Variants in LRRC37A2 observed in about 807,000 individuals in gnomAD.
The protein encoded by LRRC37A2 is leucine rich repeat containing 37 member A2.
Under a neutral mutation model 68.8 loss-of-function variants are expected in LRRC37A2, and 9 were observed. The observed-to-expected ratio is 0.13, with a 90% CI of 0.08 to 0.23. LRRC37A2 has a LOEUF of 0.23. LRRC37A2 is among the 10% of genes least tolerant of loss of function. The pLI is 1.00. For missense variants in LRRC37A2, 168 were observed against 950.4 expected, an observed-to-expected ratio of 0.18 and a Z score of 10.82; for synonymous variants, 63 against 367.6, an observed-to-expected ratio of 0.17 and a Z score of 9.48.
the LRRC37A2 span, among the ~76,000 whole-genome samples, chr17:46,901,810 T>A: frequency 6.7e-6 from 1 of 149,314 alleles, no homozygotes; most frequent in Non-Finnish European, 1.5e-5. Flanking sequence ...AGAATTTTTT[T>A]TTTTTTTTTT....
chr17:47,014,996 C>T, the LRRC37A2 span, among the ~76,000 whole-genome samples: 358 of 135,208 alleles, frequency 2.6e-3, 1 homozygote, highest in African/African-American at 8.1e-3. Flanking sequence ...TATAGGTATA[C>T]CATTTTTATC....
the LRRC37A2 span, among the ~76,000 whole-genome samples, chr17:46,583,365 G>A: frequency 2.6e-5 from 2 of 77,432 alleles, no homozygotes; most frequent in South Asian, 1.1e-3. Flanking sequence ...GCACAACCTC[G>A]GCTCACTGCA....
the LRRC37A2 span, chr17:46,711,162 A>G: frequency 6.9e-7 from 1 of 1,451,890 alleles, no homozygotes; most frequent in Middle Eastern, 1.8e-4. Context: ...TAAAGGAAAA[A>G]AAGCAGCATT....
chr17:46,907,908 G>A, the LRRC37A2 span, among the ~76,000 whole-genome samples: 2 of 151,888 alleles, frequency 1.3e-5, no homozygotes, highest in African/African-American at 2.4e-5. Flanking sequence ...AGACAAAAAG[G>A]CCCCATCAAT....
the LRRC37A2 span, among the ~76,000 whole-genome samples, chr17:46,989,874 A>G: frequency 6.6e-6 from 1 of 152,212 alleles, no homozygotes; most frequent in African/African-American, 2.4e-5. Flanking sequence ...CATTTAGGGA[A>G]ACTATTTTGG....
the LRRC37A2 span, among the ~76,000 whole-genome samples, chr17:46,492,911 GTC>G: frequency 6.7e-6 from 1 of 149,822 alleles, no homozygotes; most frequent in Admixed American, 6.6e-5. Flanking sequence ...AGCGAGGATG[GTC>G]TCGATATCCT....
the LRRC37A2 span, chr17:46,713,836 C>T: frequency 6.2e-7 from 1 of 1,606,732 alleles, no homozygotes; most frequent in Non-Finnish European, 8.5e-7. Flanking sequence ...CCCTGACTTG[C>T]TCATATCTTT....
chr17:46,458,627 C>T, the LRRC37A2 span, among the ~76,000 whole-genome samples: 1 of 84,374 alleles, frequency 1.2e-5, no homozygotes, highest in Non-Finnish European at 2.8e-5. Flanking sequence ...CCACAACCTC[C>T]GCCTCCCAGG....
the LRRC37A2 span, among the ~76,000 whole-genome samples, chr17:46,805,105 T>C: frequency 6.6e-6 from 1 of 152,182 alleles, no homozygotes; most frequent in African/African-American, 2.4e-5. Context: ...ACGAACCCAC[T>C]GGAAGGAACC....
chr17:46,853,080 A>G, the LRRC37A2 span, among the ~76,000 whole-genome samples: 1 of 152,194 alleles, frequency 6.6e-6, no homozygotes, highest in African/African-American at 2.4e-5. Context: ...CCCCAACAGC[A>G]GTGCACAACT....
the LRRC37A2 span, among the ~76,000 whole-genome samples, chr17:46,927,158 T>G: frequency 1.3e-5 from 2 of 152,236 alleles, no homozygotes; most frequent in Non-Finnish European, 2.9e-5. Flanking sequence ...AGTGTCATTT[T>G]GTATATTGAT....
the LRRC37A2 span, among the ~76,000 whole-genome samples, chr17:46,490,536 A>G: frequency 6.6e-6 from 1 of 150,790 alleles, no homozygotes; most frequent in African/African-American, 2.5e-5. Context: ...CAGCCTGGCC[A>G]ACATGGCGAA....
chr17:46,543,384 C>T (rs1237954290), intron 8 of LRRC37A2, among the ~76,000 whole-genome samples: 8 of 150,790 alleles, frequency 5.3e-5, no homozygotes, highest in Admixed American at 5.3e-4. Context: ...GGGAACAGTT[C>T]TAGATTGAAG....
chr17:46,605,995 C>CAAAAAAAAA, the LRRC37A2 span, among the ~76,000 whole-genome samples: 42 of 51,050 alleles, frequency 8.2e-4, no homozygotes, highest in African/African-American at 1.5e-3. Context: ...ACTAAAAATA[C>CAAAAAAAAA]AAAAAAAAAA....
At chr17:46,493,330 T>TG in the LRRC37A2 span, among the ~76,000 whole-genome samples, 6 of 128,898 alleles carry the variant, frequency 4.7e-5, no homozygotes, top group Non-Finnish European at 9.7e-5. Context: ...TGGCTAGTTT[T>TG]TTTTTTTTTT....
the LRRC37A2 span, among the ~76,000 whole-genome samples, chr17:46,995,560 C>T: frequency 6.6e-6 from 1 of 152,160 alleles, no homozygotes; most frequent in Non-Finnish European, 1.5e-5. Flanking sequence ...CATACTCCTT[C>T]CTGATGCCTG....
the LRRC37A2 span, among the ~76,000 whole-genome samples, chr17:46,828,019 C>A: frequency 2.0e-5 from 3 of 151,662 alleles, no homozygotes; most frequent in South Asian, 6.3e-4. Context: ...ACCATGTTAG[C>A]CAGGATGGTC....
chr17:46,779,107 C>CT, the LRRC37A2 span, among the ~76,000 whole-genome samples: 1 of 46,870 alleles, frequency 2.1e-5, no homozygotes, highest in African/African-American at 8.5e-5. Flanking sequence ...ACACACACCC[C>CT]AGCCCACTCG....
the LRRC37A2 span, among the ~76,000 whole-genome samples, chr17:46,849,960 G>C: frequency 6.6e-6 from 1 of 151,096 alleles, no homozygotes; most frequent in Non-Finnish European, 1.5e-5. Context: ...CGATTCTCTT[G>C]TCTCAGCCTC....
Sources: allele counts gnomAD v4.1 joint callset (sites outside exome capture counted in the v4.1 genomes callset), GRCh38; gene constraint gnomAD v4.1.1; transcripts MANE v1.5; gene names NCBI Gene and HGNC (gene_info 2026-07-23, HGNC 2026-07-21).